Variants in BRAP observed in about 807,000 individuals in gnomAD.
BRAP encodes BRCA1-associated protein.
Under a neutral mutation model 73.4 loss-of-function variants are expected in BRAP, and 42 were observed. The observed-to-expected ratio is 0.57, with a 90% CI of 0.45 to 0.74. The LOEUF (loss-of-function observed/expected upper bound fraction) is 0.74, where lower values mean the gene tolerates loss of function less well. BRAP is among the 30% of genes least tolerant of loss of function. The probability of loss-of-function intolerance (pLI) is 0.00; values close to 1 mark genes in which losing one functional copy is unlikely to be tolerated. For synonymous variants in BRAP, 255 were observed against 267.4 expected (o/e 0.95, Z 0.45); for missense variants, 593 against 751.4 (o/e 0.79, Z 2.46).
chr12:111,685,913 T>TCAG lies in BRAP; in HGVS notation c.-124_-122dup, dbSNP rs906773867. The TCAG allele has an allele frequency of 1.9e-5, 10 of 533,686 alleles. No individual in the cohort carries two copies. The highest frequency in any genetic ancestry group is 1.2e-4 in the African/African-American group (6 of 49,770). The allele number at this position is 533,686 out of a possible 1,614,324, so 33.1% of individuals were successfully genotyped here. A position where few individuals can be genotyped will look rare whatever the true frequency, so the allele number is the denominator to read the frequency against. ...CCACCTCAATGCAGTTGCCGCCGCC[T>TCAG]CAGCAGCAGCAGCTCCTCGAACAGC... On this transcript the variant is annotated 5_prime_UTR_variant, in exon 1 of 12. Coordinates refer to ENST00000419234, the MANE Select transcript of BRAP (RefSeq NM_006768.5).
chr12:111,643,653 A>G lies in BRAP; in HGVS notation c.*546T>C, dbSNP rs754879293. On this transcript the variant is annotated 3_prime_UTR_variant, in exon 12 of 12. Transcript: ENST00000419234. ...GGTTTACTACCAGGCCTCTTTTCAG[A>G]TAACATTCAAGCAATTCTTCCACTC... 2.6e-5 allele frequency: 4 copies of G among 152,378 alleles called. No individual in the cohort carries two copies. The highest frequency in any genetic ancestry group is 4.8e-5 in the African/African-American group (2 of 41,426). The allele number at this position is 152,378 out of a possible 1,614,324, so 9.4% of individuals were successfully genotyped here.
intron 4 of BRAP, among the ~76,000 whole-genome samples, chr12:111,677,826 T>C (rs1887443367): frequency 6.6e-6 from 1 of 152,194 alleles, no homozygotes; most frequent in Non-Finnish European, 1.5e-5. Context: ...ATTGAAACCT[T>C]TTAAATGTCT....
At position 111,670,174 on chromosome 12, in the gene BRAP, G is replaced by A. The variant is rs1039189855; in HGVS notation, c.747+2487C>T. 7.2e-5 allele frequency: 44 copies of A among 612,846 alleles called. No individual in the cohort carries two copies. The African/African-American group carries it at 7.9e-4, about 11-fold the overall frequency. The allele number at this position is 612,846 out of a possible 1,614,324, so 38.0% of individuals were successfully genotyped here. ...ATCCAACTAAGGCAAATCCAAACTT[G>A]GAGATCACTGTAGGCTTTGTTGGGA... On this transcript the variant is annotated intron_variant, in intron 5 of 11. Transcript: ENST00000419234.
intron 11 of BRAP, 42 bp downstream of exon 11, chr12:111,649,896 GT>G: frequency 7.3e-7 from 1 of 1,372,154 alleles, no homozygotes. Flanking sequence ...GAAACTGTCT[GT>G]TTATAGAGCC....
In BRAP at chr12:111,683,189, T is replaced by G; in HGVS notation, c.201A>C (p.Arg67=). ...VAIIHQHLGR[R]EMTDVIIETM... ...TCTCAATGATCACATCTGTCATTTC[T>G]CGACGGCCGAGATGCTGATGGATAA... Residue 67 remains arginine (R), a synonymous_variant, in exon 2 of 12, where the codon CGA becomes CGC. Coordinates refer to ENST00000419234, the MANE Select transcript of BRAP (RefSeq NM_006768.5). 6.2e-7 allele frequency: 1 copy of G among 1,614,216 alleles called. No homozygotes were observed. The highest frequency in any genetic ancestry group is 8.5e-7 in the Non-Finnish European group (1 of 1,180,032).
intron 4 of BRAP, among the ~76,000 whole-genome samples, chr12:111,678,681 A>G (rs1592997150): frequency 7.0e-6 from 1 of 143,576 alleles, no homozygotes; most frequent in Non-Finnish European, 1.5e-5. Flanking sequence ...AAAAAAACAC[A>G]CTAGATTTTT....
intron 3 of BRAP, among the ~76,000 whole-genome samples, chr12:111,681,357 C>G (rs1304035779): frequency 6.7e-6 from 1 of 150,226 alleles, no homozygotes; most frequent in Admixed American, 6.6e-5. Context: ...GCAACGAGAC[C>G]GAAACTCCAT....
rs918886859 is a variant in BRAP, at chr12:111,644,027, C to G, written c.*172G>C. On this transcript the variant is annotated 3_prime_UTR_variant, in exon 12 of 12. Coordinates refer to ENST00000419234, the MANE Select transcript of BRAP (RefSeq NM_006768.5). ...AGCGCCTTTCTATCAGCTCTCCAGT[C>G]AGCACCCTTTACATTCACTACATCA... 9.5e-7 allele frequency: 1 copy of G among 1,051,528 alleles called. No homozygotes were observed. The highest frequency in any genetic ancestry group is 1.6e-5 in the African/African-American group (1 of 62,028). 65.1% of individuals were successfully genotyped at this position (1,051,528 alleles called of 1,614,324 possible). A position where few individuals can be genotyped will look rare whatever the true frequency, so the allele number is the denominator to read the frequency against.
In BRAP at chr12:111,643,378, C is replaced by T. The variant is rs957272849; in HGVS notation, c.*821G>A. 21 of 152,316 alleles carry T rather than the reference C, an allele frequency of 1.4e-4. No individual in the cohort carries two copies. Among genetic ancestry groups the T allele is most frequent in the African/African-American group, 4.3e-4 (18 of 41,568 alleles). The allele number at this position is 152,316 out of a possible 1,614,324, so 9.4% of individuals were successfully genotyped here. On this transcript the variant is annotated 3_prime_UTR_variant, in exon 12 of 12. Coordinates refer to ENST00000419234, the MANE Select transcript of BRAP (RefSeq NM_006768.5). Reference sequence around the variant, plus strand: ...AGAGGCCTCACTCTACATTTTCACACGGATGAGAAATCTCCCCACTCAGTC... The same window carrying T: ...AGAGGCCTCACTCTACATTTTCACATGGATGAGAAATCTCCCCACTCAGTC...
chr12:111,671,523 C>T (rs1169297350), intron 5 of BRAP, among the ~76,000 whole-genome samples: 1 of 152,030 alleles, frequency 6.6e-6, no homozygotes, highest in Non-Finnish European at 1.5e-5. Flanking sequence ...GCACTCCAGC[C>T]TGGGCAACAG....
chr12:111,658,997 G>T, intron 8 of BRAP, 152 bp from the exon 9 acceptor site: 1 of 784,420 alleles, frequency 1.3e-6, no homozygotes, highest in Non-Finnish European at 2.0e-6. Context: ...TAGAGGGGAG[G>T]GAGAAAGCAA....
rs75694333 is a variant in BRAP at position 111,664,830 on chromosome 12, G to A, written c.896+809C>T. On this transcript the variant is annotated intron_variant, in intron 6 of 11. Coordinates refer to ENST00000419234, the MANE Select transcript of BRAP (RefSeq NM_006768.5). ...CTTCTCTGGGTTCTGCTCTTTACCC[G>A]GCTTAACTCCTAATTACCCTCCTGG... 9.4e-3 allele frequency among the ~76,000 whole-genome samples: 1,437 copies of A among 152,158 alleles called. 11 individuals carry two copies. The highest frequency in any genetic ancestry group is 0.017 in the Non-Finnish European group (1,123 of 68,002).
chr12:111,644,153 A>T lies in BRAP; in HGVS notation c.*46T>A. 1.9e-6 allele frequency: 3 copies of T among 1,572,376 alleles called. No homozygotes were observed. Among genetic ancestry groups the T allele is most frequent in the South Asian group, 1.2e-5 (1 of 86,780 alleles). ...TAGCTGAAGGTCCCAGCACACTCTC[A>T]CAGTGTCAGGGAGAACAGTCTCAGG... On this transcript the variant is annotated 3_prime_UTR_variant, in exon 12 of 12. Coordinates refer to ENST00000419234, the MANE Select transcript of BRAP (RefSeq NM_006768.5).
intron 9 of BRAP, among the ~76,000 whole-genome samples, chr12:111,656,724 TTC>T (rs1193024513): frequency 6.6e-6 from 1 of 152,124 alleles, no homozygotes; most frequent in Non-Finnish European, 1.5e-5. Flanking sequence ...GCAAAGATTT[TTC>T]TTTTTTCTTT....
intron 11 of BRAP, among the ~76,000 whole-genome samples, chr12:111,646,823 T>A (rs185677067): frequency 1.1e-4 from 16 of 152,250 alleles, no homozygotes; most frequent in Admixed American, 5.2e-4. Context: ...GACACAGCTA[T>A]TTTACTTCTA....
At position 111,655,602 on chromosome 12, in the gene BRAP, G is replaced by A. The variant is rs1227326212; in HGVS notation, c.1275C>T (p.Asn425=). The A allele has an allele frequency of 2.5e-6, 4 of 1,613,798 alleles. No individual in the cohort carries two copies. In the East Asian group the frequency reaches 6.7e-5, roughly 27 times the overall value. Reference sequence around the variant, plus strand: ...TGTCCTTCTCTATCCGAACTATCTTGTTTTCCCAGTAGATTCGCTGAGATT... The same window carrying A: ...TGTCCTTCTCTATCCGAACTATCTTATTTTCCCAGTAGATTCGCTGAGATT... ...QLESQRIYWE[N]KIVRIEKDTA... The change falls in exon 10 of 12, where the codon AAC becomes AAT. Residue 425 remains asparagine, a synonymous_variant. Transcript: ENST00000419234.
intron 11 of BRAP, among the ~76,000 whole-genome samples, chr12:111,646,209 C>T (rs967839187): frequency 6.6e-6 from 1 of 151,984 alleles, no homozygotes; most frequent in African/African-American, 2.4e-5. Flanking sequence ...CTGCTTGAGC[C>T]CAGGAATTTG....
intron 10 of BRAP, among the ~76,000 whole-genome samples, chr12:111,653,682 C>T (rs960106481): frequency 6.6e-6 from 1 of 152,180 alleles, no homozygotes; most frequent in Admixed American, 6.5e-5. Flanking sequence ...AAACAAGAAT[C>T]TCTGTCAGTG....
intron 7 of BRAP, among the ~76,000 whole-genome samples, chr12:111,660,169 G>C (rs935991830): frequency 6.6e-5 from 10 of 151,732 alleles, no homozygotes; most frequent in African/African-American, 2.4e-4. Flanking sequence ...ATGCTTTTAT[G>C]GGTCATTTTT....
Sources: allele counts gnomAD v4.1 joint callset (sites outside exome capture counted in the v4.1 genomes callset), GRCh38; gene constraint gnomAD v4.1.1; transcripts MANE v1.5; gene names NCBI Gene and HGNC (gene_info 2026-07-23, HGNC 2026-07-21).